NKIRAS1: variants seen among roughly 807,000 people sequenced by gnomAD.
NKIRAS1 encodes NFKB inhibitor interacting Ras like 1.
NKIRAS1 carries 16 observed loss-of-function variants against 19.8 expected under a neutral mutation model. That is an observed-to-expected ratio of 0.81 (90% confidence interval 0.55 to 1.23). NKIRAS1 has a LOEUF of 1.23. Ranked by LOEUF, NKIRAS1 falls within the 50% of genes most tolerant of loss-of-function variation. The pLI, the probability that NKIRAS1 is intolerant of heterozygous loss-of-function variation, is 0.00. For missense variants in NKIRAS1, 184 were observed against 220.0 expected (o/e 0.84, Z 1.04); for synonymous variants, 88 against 79.0 (o/e 1.11, Z -0.61).
chr3:23,909,149 T>C (rs1252583873), intron 3 of NKIRAS1, among the ~76,000 whole-genome samples: 1 of 152,224 alleles, frequency 6.6e-6, no homozygotes, highest in Admixed American at 6.5e-5. Flanking sequence ...AAACACTAAA[T>C]ATGAATTTAA....
intron 4 of NKIRAS1, among the ~76,000 whole-genome samples, chr3:23,898,058 G>A (rs1294811719): frequency 6.6e-6 from 1 of 152,142 alleles, no homozygotes; most frequent in Admixed American, 6.5e-5. Context: ...TAAGTATCTA[G>A]TACGTGAGTG....
Position 23,890,671 on chromosome 3 carries a change from GGGGTCAGGGA to G in NKIRAS1, c.*2414_*2423del. On this transcript the variant is annotated 3_prime_UTR_variant, in exon 5 of 5. Coordinates refer to ENST00000425478, the MANE Select transcript of NKIRAS1 (RefSeq NM_020345.4). ...GAAGAGAGCTGCTTATGATTTTGAAGGGGTCAGGGAGGGTGGGAGTTGGTAAAGAGTAGGG... is the reference window on the plus strand; with the variant it reads ...GAAGAGAGCTGCTTATGATTTTGAAGGGGTGGGAGTTGGTAAAGAGTAGGG... 1 of 1,454,056 alleles carries G rather than the reference GGGGTCAGGGA, an allele frequency of 6.9e-7. No individual in the cohort carries two copies. The allele number at this position is 1,454,056 out of a possible 1,614,324, so 90.1% of individuals were successfully genotyped here. A position where few individuals can be genotyped will look rare whatever the true frequency, so the allele number is the denominator to read the frequency against.
intron 1 of NKIRAS1, among the ~76,000 whole-genome samples, chr3:23,914,696 C>A (rs1005310773): frequency 6.6e-6 from 1 of 152,172 alleles, no homozygotes; most frequent in Non-Finnish European, 1.5e-5. Flanking sequence ...CCTCAGGAAT[C>A]TCAAAATCAA....
chr3:23,935,036 T>C (rs1705370231), intron 1 of NKIRAS1, among the ~76,000 whole-genome samples: 1 of 152,182 alleles, frequency 6.6e-6, no homozygotes, highest in Non-Finnish European at 1.5e-5. Context: ...AAGGTGATCT[T>C]AAAGCTTTCT....
chr3:23,928,237 G>T (rs183443879), intron 1 of NKIRAS1, among the ~76,000 whole-genome samples: 2 of 150,426 alleles, frequency 1.3e-5, no homozygotes, highest in African/African-American at 4.9e-5. Flanking sequence ...TTGCAGTGAG[G>T]CAAGATTGCA....
At chr3:23,904,707 T>A (rs551225989) in intron 3 of NKIRAS1, among the ~76,000 whole-genome samples, 1 of 152,278 alleles carries the variant, frequency 6.6e-6, no homozygotes, top group Admixed American at 6.5e-5. Flanking sequence ...GGTTCCCAGA[T>A]TCTCAAAAGT....
chr3:23,944,112 T>C (rs1341093483), intron 1 of NKIRAS1, among the ~76,000 whole-genome samples: 1 of 152,168 alleles, frequency 6.6e-6, no homozygotes, highest in African/African-American at 2.4e-5. Flanking sequence ...GAACATATTT[T>C]GAAGGTAGAA....
intron 1 of NKIRAS1, among the ~76,000 whole-genome samples, chr3:23,940,975 G>T (rs530584374): frequency 6.6e-6 from 1 of 152,142 alleles, no homozygotes; most frequent in Non-Finnish European, 1.5e-5. Context: ...AAATGTCTCT[G>T]TTTTCATTTC....
chr3:23,910,010 C>T (rs140964451), intron 3 of NKIRAS1, among the ~76,000 whole-genome samples: 77 of 151,948 alleles, frequency 5.1e-4, no homozygotes, highest in Non-Finnish European at 2.2e-4. Flanking sequence ...AGGCGTGCAC[C>T]GCCACACCCA....
intron 4 of NKIRAS1, among the ~76,000 whole-genome samples, 172 bp downstream of exon 4, chr3:23,900,636 C>T (rs1382973865): frequency 1.0e-5 from 1 of 99,584 alleles, no homozygotes; most frequent in Admixed American, 1.3e-4. Flanking sequence ...AGCGAGACTC[C>T]GTCTCAAAAA....
At chr3:23,909,666 C>G (rs755635863) in intron 3 of NKIRAS1, among the ~76,000 whole-genome samples, 2 of 152,200 alleles carry the variant, frequency 1.3e-5, no homozygotes, top group Non-Finnish European at 2.9e-5. Context: ...TCCAGAGATG[C>G]TATCTTCACC....
At position 23,926,924 on chromosome 3, in the gene NKIRAS1, T is replaced by C. The variant is rs72627087; in HGVS notation, c.-139-15474A>G. On this transcript the variant is annotated intron_variant, in intron 1 of 4. Coordinates refer to the NKIRAS1 transcript ENST00000421515. The surrounding 1 kb of genome is among the most constrained non-coding windows in gnomAD (Gnocchi z 4.3). Reference sequence around the variant, plus strand: ...GGATCAAGCTGGCCTGAAATACCAATAGGGGGTGACATGCACCAACAAGCT... The same window carrying C: ...GGATCAAGCTGGCCTGAAATACCAACAGGGGGTGACATGCACCAACAAGCT... Among the ~76,000 whole-genome samples the C allele has an allele frequency of 3.6e-3, 547 of 152,242 alleles. 15 individuals are homozygous for C. The East Asian group carries it at 0.05, about 14-fold the overall frequency.
intron 4 of NKIRAS1, among the ~76,000 whole-genome samples, chr3:23,897,056 AT>A (rs1480172906): frequency 6.6e-6 from 1 of 152,036 alleles, no homozygotes; most frequent in Non-Finnish European, 1.5e-5. Flanking sequence ...AAAAATAAAA[AT>A]AAAAATTAGG....
chr3:23,900,867 A>T lies in NKIRAS1; in HGVS notation c.277T>A (p.Ser93Thr). Residue 93 changes from serine (S) to threonine (T), a missense_variant, in exon 4 of 5, where the codon TCC becomes ACC. Ser to Thr is a moderately conservative substitution (Grantham distance 58). Transcript: ENST00000425478. The part of the protein sequence containing the change: ...VLVYSVNNLE[S>T]FQRVELLKKE... ...TTCAGAAGCTCCACTCTTTGAAAGG[A>T]TTCAAGGTTATTCACACTGTACACA... is the stretch of plus-strand genomic sequence containing the variant. 2 of 1,613,868 alleles carry T rather than the reference A, an allele frequency of 1.2e-6. No homozygotes were observed. Among genetic ancestry groups the T allele is most frequent in the Non-Finnish European group, 1.7e-6 (2 of 1,179,770 alleles).
chr3:23,901,683 G>A (rs1702535572), intron 3 of NKIRAS1, among the ~76,000 whole-genome samples: 1 of 152,170 alleles, frequency 6.6e-6, no homozygotes, highest in Admixed American at 6.5e-5. Context: ...ACTGATAAAG[G>A]AATTAAAGGG....
At chr3:23,929,027 A>G (rs1705262143) in intron 1 of NKIRAS1, among the ~76,000 whole-genome samples, 1 of 151,290 alleles carries the variant, frequency 6.6e-6, no homozygotes, top group Non-Finnish European at 1.5e-5. Flanking sequence ...AAGAAAAGAA[A>G]AGAAAATATA....
intron 1 of NKIRAS1, among the ~76,000 whole-genome samples, chr3:23,942,684 G>A (rs931393418): frequency 2.6e-5 from 4 of 152,128 alleles, no homozygotes; most frequent in African/African-American, 9.7e-5. Flanking sequence ...GCCGTCCTCG[G>A]CCTCCCAAAG....
chr3:23,936,512 C>T (rs115879517), intron 1 of NKIRAS1, among the ~76,000 whole-genome samples: 2,192 of 152,202 alleles, frequency 0.014, 61 homozygotes, highest in African/African-American at 0.051. Flanking sequence ...GTTTCTGATT[C>T]ATTAAATCTG....
At position 23,891,743 on chromosome 3, in the gene NKIRAS1, T is replaced by A. The variant is rs780118513; in HGVS notation, c.*1352A>T. On this transcript the variant is annotated 3_prime_UTR_variant, in exon 5 of 5. Coordinates refer to ENST00000425478, the MANE Select transcript of NKIRAS1 (RefSeq NM_020345.4). ...CATTCATTACAGAATTTAAAAAGAA[T>A]TGGTAACTGTTTGTACTAATATAGA... is the stretch of plus-strand genomic sequence containing the variant. The A allele has an allele frequency of 2.0e-5, 3 of 152,192 alleles. No homozygotes were observed. The highest frequency in any genetic ancestry group is 7.2e-5 in the African/African-American group (3 of 41,438). 9.4% of individuals were successfully genotyped at this position (152,192 alleles called of 1,614,324 possible). A position where few individuals can be genotyped will look rare whatever the true frequency, so the allele number is the denominator to read the frequency against.
Sources: allele counts gnomAD v4.1 joint callset (sites outside exome capture counted in the v4.1 genomes callset), GRCh38; gene constraint gnomAD v4.1.1; non-coding constraint Gnocchi (gnomAD v3.1); transcripts MANE v1.5; gene names NCBI Gene and HGNC (gene_info 2026-07-23, HGNC 2026-07-21).